Variants in TSPAN9 observed in about 807,000 individuals in gnomAD.
TSPAN9 encodes tetraspanin-9.
Under a neutral mutation model 31.0 loss-of-function variants are expected in TSPAN9, and 16 were observed. That is an observed-to-expected ratio of 0.52 (90% CI 0.35 to 0.78). The LOEUF (loss-of-function observed/expected upper bound fraction) is 0.78, where lower values mean the gene tolerates loss of function less well. TSPAN9 is among the 30% of genes least tolerant of loss of function. The pLI, the probability that TSPAN9 is intolerant of heterozygous loss-of-function variation, is 0.01. For synonymous variants in TSPAN9, 145 were observed against 121.6 expected (o/e 1.19, Z -1.27); for missense variants, 272 against 312.5 (o/e 0.87, Z 0.98).
At position 3,280,883 on chromosome 12, in the gene TSPAN9, T is replaced by C. The variant is rs1862879835; in HGVS notation, c.433-315T>C. On this transcript the variant is annotated intron_variant, in intron 6 of 8. Coordinates refer to ENST00000011898, the MANE Select transcript of TSPAN9 (RefSeq NM_006675.5). The surrounding 1 kb of genome is among the most constrained non-coding windows in gnomAD (Gnocchi z 4.5). Reference sequence around the variant, plus strand: ...GGGCCGGCAGGGGGTTGGGTGGCAGTCAGCTTGGGACGGTTTACAGAAAGA... The same window carrying C: ...GGGCCGGCAGGGGGTTGGGTGGCAGCCAGCTTGGGACGGTTTACAGAAAGA... Among the ~76,000 whole-genome samples, 1 of 151,080 alleles carries C rather than the reference T, an allele frequency of 6.6e-6. No homozygotes were observed. The highest frequency in any genetic ancestry group is 2.4e-5 in the African/African-American group (1 of 41,008).
At chr12:3,249,461 CTT>C (rs1862205418) in intron 3 of TSPAN9, among the ~76,000 whole-genome samples, 1 of 152,216 alleles carries the variant, frequency 6.6e-6, no homozygotes, top group African/African-American at 2.4e-5. Context: ...TCCATGAAAA[CTT>C]TGCTCTCTCC....
chr12:3,143,001 G>A lies in TSPAN9; in HGVS notation c.-17-58176G>A, dbSNP rs189555201. ...TTGACAGTGGTGAGGAGTGCTGCTC[G>A]GTCACTCTGCAGGACGGTTTTTCAC... is the stretch of plus-strand genomic sequence containing the variant. On this transcript the variant is annotated intron_variant, in intron 2 of 8. Coordinates refer to ENST00000011898, the MANE Select transcript of TSPAN9 (RefSeq NM_006675.5). This position sits in a 1 kb window ranked among gnomAD's most constrained non-coding sequence, Gnocchi z 4.2. Among the ~76,000 whole-genome samples the A allele has an allele frequency of 1.1e-4, 16 of 152,112 alleles. No individual in the cohort carries two copies. The highest frequency in any genetic ancestry group is 2.9e-4 in the African/African-American group (12 of 41,494).
At chr12:3,251,654 C>T (rs891421319) in intron 3 of TSPAN9, among the ~76,000 whole-genome samples, 4 of 152,152 alleles carry the variant, frequency 2.6e-5, no homozygotes, top group African/African-American at 9.7e-5. Context: ...TTGCAAAGGA[C>T]ATCTTTAGTT....
At chr12:3,222,658 G>A (rs1249867705) in intron 3 of TSPAN9, among the ~76,000 whole-genome samples, 5 of 152,172 alleles carry the variant, frequency 3.3e-5, no homozygotes, top group Non-Finnish European at 7.3e-5. Context: ...TGGGTCTGCA[G>A]CCCACATTCC....
At chr12:3,099,171 A>G (rs1204868266) in intron 2 of TSPAN9, among the ~76,000 whole-genome samples, 2 of 151,556 alleles carry the variant, frequency 1.3e-5, no homozygotes, top group East Asian at 1.9e-4. Flanking sequence ...TTATATGGAT[A>G]TTTGACTGTT....
intron 2 of TSPAN9, among the ~76,000 whole-genome samples, chr12:3,085,762 G>C (rs543740133): frequency 2.1e-3 from 319 of 152,324 alleles, no homozygotes; most frequent in African/African-American, 7.4e-3. Flanking sequence ...GAGTTGGTAT[G>C]CCTGGGTTTT....
intron 2 of TSPAN9, among the ~76,000 whole-genome samples, chr12:3,098,146 G>A (rs1387000864): frequency 6.6e-6 from 1 of 152,208 alleles, no homozygotes; most frequent in African/African-American, 2.4e-5. Flanking sequence ...GCTGGCCTGG[G>A]GCAAGTCATG....
intron 2 of TSPAN9, among the ~76,000 whole-genome samples, chr12:3,182,667 C>T (rs1217792451): frequency 6.6e-6 from 1 of 152,208 alleles, no homozygotes; most frequent in Admixed American, 6.5e-5. Context: ...AAAGAGAGAC[C>T]TGCCCCTCAG....
At chr12:3,179,064 C>T (rs1412727320) in intron 2 of TSPAN9, among the ~76,000 whole-genome samples, 1 of 152,124 alleles carries the variant, frequency 6.6e-6, no homozygotes, top group African/African-American at 2.4e-5. Flanking sequence ...GCCCAGGATG[C>T]CCTGGATTCC....
chr12:3,233,077 G>A (rs150072661), intron 3 of TSPAN9, among the ~76,000 whole-genome samples: 1 of 152,308 alleles, frequency 6.6e-6, no homozygotes, highest in East Asian at 1.9e-4. Flanking sequence ...AAGCCACCCA[G>A]GAATGGGGAC....
At chr12:3,152,794 G>T (rs897984339) in intron 2 of TSPAN9, among the ~76,000 whole-genome samples, 1 of 152,142 alleles carries the variant, frequency 6.6e-6, no homozygotes, top group Non-Finnish European at 1.5e-5. Flanking sequence ...CACCATGTTG[G>T]CCAGGCTGGT....
At chr12:3,205,721 C>CT (rs1591675970) in intron 3 of TSPAN9, among the ~76,000 whole-genome samples, 1 of 101,384 alleles carries the variant, frequency 9.9e-6, no homozygotes, top group East Asian at 5.6e-4. Flanking sequence ...CACTTAGGCC[C>CT]CCCCCCCCCA....
At chr12:3,199,490 C>T (rs958925784) in intron 2 of TSPAN9, among the ~76,000 whole-genome samples, 2 of 152,250 alleles carry the variant, frequency 1.3e-5, no homozygotes, top group African/African-American at 2.4e-5. Flanking sequence ...TGTTCCCAAG[C>T]CCCGAGCAAA....
intron 3 of TSPAN9, among the ~76,000 whole-genome samples, chr12:3,221,493 G>A (rs534518749): frequency 6.6e-6 from 1 of 151,886 alleles, no homozygotes; most frequent in South Asian, 2.1e-4. Flanking sequence ...CAAGCAGCTG[G>A]GATTACAGGT....
At chr12:3,220,646 C>A (rs1168249497) in intron 3 of TSPAN9, among the ~76,000 whole-genome samples, 1 of 152,212 alleles carries the variant, frequency 6.6e-6, no homozygotes, top group Non-Finnish European at 1.5e-5. Context: ...CTGGAGGACC[C>A]AAGCCCGGAG....
At chr12:3,252,739 T>C (rs1359704964) in intron 3 of TSPAN9, among the ~76,000 whole-genome samples, 1 of 152,210 alleles carries the variant, frequency 6.6e-6, no homozygotes, top group African/African-American at 2.4e-5. Flanking sequence ...CCGTGTGGCC[T>C]ATTTTAAACT....
intron 3 of TSPAN9, among the ~76,000 whole-genome samples, chr12:3,214,087 A>G (rs913563169): frequency 2.6e-5 from 4 of 152,230 alleles, no homozygotes; most frequent in Non-Finnish European, 5.9e-5. Flanking sequence ...GATCCTGGGC[A>G]AACTGCTTCT....
intron 3 of TSPAN9, among the ~76,000 whole-genome samples, chr12:3,256,739 C>A (rs920760185): frequency 6.6e-6 from 1 of 152,132 alleles, no homozygotes; most frequent in Non-Finnish European, 1.5e-5. Flanking sequence ...AAAGTCACGA[C>A]TATTTCGCAT....
chr12:3,140,738 G>C (rs1420126584), intron 2 of TSPAN9, among the ~76,000 whole-genome samples: 2 of 152,072 alleles, frequency 1.3e-5, no homozygotes, highest in African/African-American at 2.4e-5. Context: ...GGGATGTTTG[G>C]GGTGTGGGGG....
Sources: gnomAD v4.1 joint callset for allele counts (sites outside exome capture counted in the v4.1 genomes callset) on GRCh38, gnomAD v4.1.1 for gene constraint, Gnocchi (gnomAD v3.1) non-coding constraint, MANE v1.5 for transcripts, NCBI Gene and HGNC (gene_info 2026-07-23, HGNC 2026-07-21) for gene names.